CSMD1: variants seen among roughly 807,000 people sequenced by gnomAD.
CSMD1 encodes the protein CUB and sushi domain-containing protein 1.
A neutral mutation model predicts 417.5 loss-of-function variants in CSMD1; 213 were observed. That is an observed-to-expected ratio of 0.51 (90% CI 0.46 to 0.57). CSMD1 has a LOEUF of 0.57. Among genes scored for constraint, CSMD1 ranks in the 20% least tolerant of loss-of-function variants. The pLI is 0.00. For synonymous variants in CSMD1, 2,862 were observed against 1,736.8 expected (o/e 1.65, Z -16.11); for missense variants, 6,923 against 4,529.7 (o/e 1.53, Z -15.17).
intron 36 of CSMD1, among the ~76,000 whole-genome samples, chr8:3,182,754 T>TGTGC (rs1276036235): frequency 2.8e-5 from 4 of 141,428 alleles, no homozygotes; most frequent in African/African-American, 1.1e-4. Context: ...AAGCTCTGTG[T>TGTGC]GTGTGTGTGT....
chr8:3,829,970 A>C (rs1351643205), intron 5 of CSMD1, among the ~76,000 whole-genome samples: 1 of 152,134 alleles, frequency 6.6e-6, no homozygotes, highest in Non-Finnish European at 1.5e-5. Context: ...AATTTTGCTC[A>C]TATGTTTTTT....
chr8:4,221,707 C>A (rs1184700444), intron 3 of CSMD1, among the ~76,000 whole-genome samples: 2 of 152,180 alleles, frequency 1.3e-5, no homozygotes, highest in Non-Finnish European at 2.9e-5. Flanking sequence ...AGACTGGAGG[C>A]TTTCTCTCCA....
rs181616545 is a variant in CSMD1, at chr8:3,896,535, A to C, written c.818+101368T>G. On this transcript the variant is annotated intron_variant, in intron 5 of 69. Coordinates refer to ENST00000635120, the MANE Select transcript of CSMD1 (RefSeq NM_033225.6). ...ATTATTATTATTATTATTTTGAGAC[A>C]GAGTCTCGCTCTGTCACCCAGGCTG... Among the ~76,000 whole-genome samples the C allele has an allele frequency of 7.7e-3, 1,169 of 151,830 alleles. 16 individuals are homozygous for C. Among genetic ancestry groups the C allele is most frequent in the African/African-American group, 0.025 (1,055 of 41,388 alleles).
At chr8:4,268,721 A>T (rs1397009131) in intron 3 of CSMD1, among the ~76,000 whole-genome samples, 3 of 151,972 alleles carry the variant, frequency 2.0e-5, no homozygotes, top group Non-Finnish European at 4.4e-5. Flanking sequence ...TAACATAACC[A>T]AATACCCCCA....
intron 3 of CSMD1, among the ~76,000 whole-genome samples, chr8:4,076,666 T>C (rs568603411): frequency 1.3e-5 from 2 of 152,334 alleles, no homozygotes; most frequent in Non-Finnish European, 2.9e-5. Context: ...GCCTTATGCA[T>C]CGTGCTCCAA....
chr8:3,627,157 T>A (rs574248521), intron 7 of CSMD1, among the ~76,000 whole-genome samples: 35 of 152,314 alleles, frequency 2.3e-4, no homozygotes, highest in Admixed American at 2.0e-3. Flanking sequence ...TCTCTTAGAA[T>A]ATGTGCAGTG....
intron 1 of CSMD1, among the ~76,000 whole-genome samples, chr8:4,672,850 C>G (rs1314095499): frequency 6.6e-6 from 1 of 151,962 alleles, no homozygotes; most frequent in African/African-American, 2.4e-5. Context: ...TAGTGACGTA[C>G]ACATATGCAT....
At position 3,126,212 on chromosome 8, in the gene CSMD1, T is replaced by C. The variant is rs186957528; in HGVS notation, c.6242-7625A>G. 5.3e-4 allele frequency among the ~76,000 whole-genome samples: 81 copies of C among 152,250 alleles called. No homozygotes were observed. The East Asian group carries it at 0.012, about 23-fold the overall frequency. ...ACCCATCTATACAAGGGCCACAGAA[T>C]TAAATGGGATGCTAAAAGAAATGAA... On this transcript the variant is annotated intron_variant, in intron 41 of 69. Coordinates refer to ENST00000635120, the MANE Select transcript of CSMD1 (RefSeq NM_033225.6).
chr8:3,728,838 G>A (rs189729641), intron 6 of CSMD1, among the ~76,000 whole-genome samples: 18 of 152,316 alleles, frequency 1.2e-4, no homozygotes, highest in Admixed American at 1.1e-3. Flanking sequence ...TCTAACATTA[G>A]TTCTTTTACT....
chr8:3,725,458 GC>G (rs1563313744), intron 6 of CSMD1, among the ~76,000 whole-genome samples: 2 of 152,162 alleles, frequency 1.3e-5, no homozygotes, highest in East Asian at 1.9e-4. Context: ...CGACTGTGGG[GC>G]CAAAGGAGAA....
At chr8:3,534,904 G>C (rs771684477) in intron 10 of CSMD1, among the ~76,000 whole-genome samples, 1 of 152,146 alleles carries the variant, frequency 6.6e-6, no homozygotes, top group Non-Finnish European at 1.5e-5. Context: ...GTTTAGTCCA[G>C]AATTCAAGTA....
chr8:3,102,143 T>C (rs975821877), intron 46 of CSMD1, among the ~76,000 whole-genome samples: 1 of 152,188 alleles, frequency 6.6e-6, no homozygotes, highest in Admixed American at 6.5e-5. Context: ...GACTAATAGC[T>C]AACGTAATTT....
intron 1 of CSMD1, among the ~76,000 whole-genome samples, chr8:4,703,726 A>T (rs997293386): frequency 1.3e-5 from 2 of 152,196 alleles, no homozygotes; most frequent in East Asian, 1.9e-4. Flanking sequence ...TTTAAAAAAA[A>T]TCTTAAAGTG....
intron 3 of CSMD1, among the ~76,000 whole-genome samples, chr8:4,055,980 A>G (rs1317018301): frequency 1.3e-5 from 2 of 151,754 alleles, no homozygotes; most frequent in Admixed American, 6.6e-5. Flanking sequence ...GTTTTCCCCT[A>G]CTAGAAGGCT....
intron 2 of CSMD1, among the ~76,000 whole-genome samples, chr8:4,557,962 T>C (rs758667973): frequency 6.6e-6 from 1 of 152,200 alleles, no homozygotes; most frequent in African/African-American, 2.4e-5. Context: ...TGATAAATAA[T>C]AAGGTGGCCT....
chr8:3,799,128 G>C (rs1233162658), intron 5 of CSMD1, among the ~76,000 whole-genome samples: 1 of 151,854 alleles, frequency 6.6e-6, no homozygotes, highest in Non-Finnish European at 1.5e-5. Flanking sequence ...TAGTTTAATA[G>C]TTTTATTTAA....
At chr8:3,518,457 A>C (rs1261218532) in intron 10 of CSMD1, among the ~76,000 whole-genome samples, 2 of 152,218 alleles carry the variant, frequency 1.3e-5, no homozygotes, top group African/African-American at 4.8e-5. Context: ...TGACACATAG[A>C]AACAATATTG....
chr8:4,574,556 G>A, intron 2 of CSMD1, among the ~76,000 whole-genome samples: 1 of 152,188 alleles, frequency 6.6e-6, no homozygotes, highest in East Asian at 1.9e-4. Flanking sequence ...GCAGACGGGA[G>A]CTGTTCCTAT....
chr8:3,976,432 C>T (rs1813440787), intron 5 of CSMD1, among the ~76,000 whole-genome samples: 1 of 152,098 alleles, frequency 6.6e-6, no homozygotes, highest in Admixed American at 6.6e-5. Context: ...TCAAGGAAAG[C>T]AGTTTCCTTT....
Sources: allele counts gnomAD v4.1 joint callset (sites outside exome capture counted in the v4.1 genomes callset), GRCh38; gene constraint gnomAD v4.1.1; transcripts MANE v1.5; gene names NCBI Gene and HGNC (gene_info 2026-07-23, HGNC 2026-07-21).